ADAMTS3: variants seen among roughly 807,000 people sequenced by gnomAD.
ADAMTS3 encodes the protein ADAM metallopeptidase with thrombospondin type 1 motif 3, also known as A disintegrin and metalloproteinase with thrombospondin motifs 3.
Under a neutral mutation model 129.0 loss-of-function variants are expected in ADAMTS3, and 73 were observed. The ratio of observed to expected loss-of-function variants is 0.57; its 90% CI spans 0.47 to 0.69. The LOEUF (loss-of-function observed/expected upper bound fraction) is 0.69, where lower values mean the gene tolerates loss of function less well. Ranked by LOEUF, ADAMTS3 falls within the 30% of genes least tolerant of loss-of-function variation. ADAMTS3 has a pLI of 0.00. For synonymous variants in ADAMTS3, 477 were observed against 510.8 expected, an observed-to-expected ratio of 0.93 and a Z score of 0.89; for missense variants, 1,457 against 1,514.5, an observed-to-expected ratio of 0.96 and a Z score of 0.63.
At chr4:72,452,919 A>G (rs1367560171) in intron 3 of ADAMTS3, among the ~76,000 whole-genome samples, 2 of 151,806 alleles carry the variant, frequency 1.3e-5, no homozygotes, top group Non-Finnish European at 2.9e-5. Context: ...CTCAAAGAAC[A>G]CTAAACAAGA....
intron 4 of ADAMTS3, among the ~76,000 whole-genome samples, chr4:72,362,089 A>T (rs930869957): frequency 6.6e-6 from 1 of 152,102 alleles, no homozygotes; most frequent in East Asian, 1.9e-4. Context: ...TCAGTTACCC[A>T]GGCCCATGAT....
intron 2 of ADAMTS3, among the ~76,000 whole-genome samples, chr4:72,563,508 A>C (rs1176477323): frequency 6.6e-6 from 1 of 152,192 alleles, no homozygotes; most frequent in Non-Finnish European, 1.5e-5. Flanking sequence ...TAGTTAAAAA[A>C]ACAAAAAATT....
At chr4:72,552,025 G>T (rs1721658509) in intron 2 of ADAMTS3, among the ~76,000 whole-genome samples, 1 of 152,162 alleles carries the variant, frequency 6.6e-6, no homozygotes. Context: ...GGAAGGAGGG[G>T]CAGAAGCTCA....
chr4:72,335,922 C>T (rs746099040), intron 5 of ADAMTS3, among the ~76,000 whole-genome samples: 15 of 152,114 alleles, frequency 9.9e-5, no homozygotes, highest in Non-Finnish European at 1.9e-4. Flanking sequence ...ATTAAATATA[C>T]ATTTAACACT....
intron 4 of ADAMTS3, among the ~76,000 whole-genome samples, chr4:72,363,099 T>C (rs1473216074): frequency 2.6e-5 from 4 of 152,134 alleles, no homozygotes; most frequent in African/African-American, 9.6e-5. Flanking sequence ...TGAATGATAA[T>C]GGGAATACAA....
intron 3 of ADAMTS3, among the ~76,000 whole-genome samples, chr4:72,422,744 A>G (rs1272603430): frequency 2.6e-5 from 4 of 152,164 alleles, no homozygotes; most frequent in Admixed American, 6.5e-5. Context: ...TTGAAGCCCA[A>G]TTATAATAAA....
chr4:72,560,747 C>T (rs1438195096), intron 2 of ADAMTS3, among the ~76,000 whole-genome samples: 1 of 152,098 alleles, frequency 6.6e-6, no homozygotes, highest in East Asian at 1.9e-4. Context: ...GAGCTTAATA[C>T]CTAGGTGATA....
At chr4:72,395,366 C>T (rs1002874873) in intron 4 of ADAMTS3, among the ~76,000 whole-genome samples, 3 of 151,924 alleles carry the variant, frequency 2.0e-5, no homozygotes, top group African/African-American at 4.8e-5. Flanking sequence ...TGCAGTCTAG[C>T]ATGTATAAGG....
intron 3 of ADAMTS3, among the ~76,000 whole-genome samples, chr4:72,477,045 G>A (rs1578716325): frequency 6.6e-6 from 1 of 152,008 alleles, no homozygotes; most frequent in African/African-American, 2.4e-5. Context: ...TTGACAAAAA[G>A]CATCTTCAAA....
chr4:72,467,087 C>A (rs1330422958), intron 3 of ADAMTS3, among the ~76,000 whole-genome samples: 1 of 151,974 alleles, frequency 6.6e-6, no homozygotes, highest in African/African-American at 2.4e-5. Flanking sequence ...AGCTAAAAAT[C>A]ACTGCAAAAA....
At chr4:72,561,402 G>A (rs1285053268) in intron 2 of ADAMTS3, among the ~76,000 whole-genome samples, 1 of 152,086 alleles carries the variant, frequency 6.6e-6, no homozygotes, top group Non-Finnish European at 1.5e-5. Context: ...CTACTCGGGA[G>A]GCTGAGGCAG....
At chr4:72,409,170 T>C (rs1468474908) in intron 4 of ADAMTS3, among the ~76,000 whole-genome samples, 1 of 152,134 alleles carries the variant, frequency 6.6e-6, no homozygotes. Context: ...AAAGGGTCTA[T>C]CCCTCCTAAG....
At chr4:72,383,578 T>C (rs956252135) in intron 4 of ADAMTS3, among the ~76,000 whole-genome samples, 2 of 152,164 alleles carry the variant, frequency 1.3e-5, no homozygotes, top group African/African-American at 4.8e-5. Flanking sequence ...GGCTGACCCC[T>C]GAACTATATG....
At chr4:72,420,200 A>G (rs1722407760) in intron 3 of ADAMTS3, among the ~76,000 whole-genome samples, 1 of 151,996 alleles carries the variant, frequency 6.6e-6, no homozygotes, top group African/African-American at 2.4e-5. Flanking sequence ...TCTCAGCATC[A>G]CTGCCTTCAA....
At chr4:72,415,453 C>T (rs1014361378) in intron 3 of ADAMTS3, among the ~76,000 whole-genome samples, 1 of 151,926 alleles carries the variant, frequency 6.6e-6, no homozygotes, top group African/African-American at 2.4e-5. Context: ...GAGTTCCATG[C>T]TACCTTCAGT....
At chr4:72,307,898 G>A (rs2109792711) in intron 15 of ADAMTS3, among the ~76,000 whole-genome samples, 1 of 152,026 alleles carries the variant, frequency 6.6e-6, no homozygotes, top group African/African-American at 2.4e-5. Context: ...TGGTATGACA[G>A]ATGAAAATTT....
At position 72,352,465 on chromosome 4, in the gene ADAMTS3, C is replaced by A. The variant is rs1481967960; in HGVS notation, c.662-12772G>T. Among the ~76,000 whole-genome samples, 10 of 151,964 alleles carry A rather than the reference C, an allele frequency of 6.6e-5. 1 individual carries two copies. Among genetic ancestry groups the A allele is most frequent in the Admixed American group, 6.6e-4 (10 of 15,244 alleles). On this transcript the variant is annotated intron_variant, in intron 4 of 21. Transcript: ENST00000286657. ...ATTACCTCCTTCCTGGAAGGACATC[C>A]CCTCACCTTTCTTTCCTCTCTCTCC...
intron 5 of ADAMTS3, among the ~76,000 whole-genome samples, chr4:72,337,481 C>T (rs1720021196): frequency 1.3e-5 from 2 of 152,052 alleles, no homozygotes; most frequent in South Asian, 4.1e-4. Flanking sequence ...AAAAAAACAA[C>T]AGGAAATCTC....
At chr4:72,477,043 A>C (rs970881718) in intron 3 of ADAMTS3, among the ~76,000 whole-genome samples, 1 of 152,168 alleles carries the variant, frequency 6.6e-6, no homozygotes, top group Non-Finnish European at 1.5e-5. Flanking sequence ...ACTTGACAAA[A>C]AGCATCTTCA....
Sources: allele counts gnomAD v4.1 joint callset (sites outside exome capture counted in the v4.1 genomes callset), GRCh38; gene constraint gnomAD v4.1.1; transcripts MANE v1.5; gene names NCBI Gene and HGNC (gene_info 2026-07-23, HGNC 2026-07-21).